The following MTUS2 variants were observed in gnomAD, a reference collection of about 807,000 sequenced individuals.
MTUS2 encodes microtubule-associated tumor suppressor candidate 2.
MTUS2 carries 40 observed loss-of-function variants against 114.1 expected under a neutral mutation model. The ratio of observed to expected loss-of-function variants is 0.35; its 90% CI spans 0.27 to 0.46. The LOEUF (loss-of-function observed/expected upper bound fraction) is 0.46. Among genes scored for constraint, MTUS2 ranks in the 20% least tolerant of loss-of-function variants. The pLI is 1.00. For synonymous variants in MTUS2, 688 were observed against 672.0 expected (o/e 1.02, Z -0.37); for missense variants, 1,679 against 1,705.4 (o/e 0.98, Z 0.27).
chr13:28,953,285 G>T (rs927085482), intron 2 of MTUS2, among the ~76,000 whole-genome samples: 1 of 152,044 alleles, frequency 6.6e-6, no homozygotes, highest in Non-Finnish European at 1.5e-5. Flanking sequence ...GAGGTGGGTG[G>T]ATCGCCTGAG....
intron 2 of MTUS2, among the ~76,000 whole-genome samples, chr13:28,989,301 C>G (rs138054809): frequency 6.6e-6 from 1 of 152,268 alleles, no homozygotes; most frequent in Non-Finnish European, 1.5e-5. Context: ...CAAGACCCAA[C>G]CAGTGAAAGG....
intron 8 of MTUS2, among the ~76,000 whole-genome samples, chr13:29,421,067 T>C (rs3121759): frequency 0.98 from 149,170 of 152,298 alleles, 73,132 homozygotes; most frequent in East Asian, 1. Context: ...TTTTTTCTCT[T>C]TTAATTTTCT....
intron 2 of MTUS2, among the ~76,000 whole-genome samples, chr13:28,892,106 A>G (rs1878967596): frequency 6.6e-6 from 1 of 152,044 alleles, no homozygotes; most frequent in South Asian, 2.1e-4. Flanking sequence ...TAATACAGAT[A>G]CCATTATTCA....
At chr13:29,103,530 G>A (rs779775460) in intron 5 of MTUS2, among the ~76,000 whole-genome samples, 2 of 152,236 alleles carry the variant, frequency 1.3e-5, no homozygotes, top group Non-Finnish European at 2.9e-5. Context: ...GCTTGCAGGA[G>A]TGGAAGGTGC....
intron 2 of MTUS2, among the ~76,000 whole-genome samples, chr13:28,915,021 C>T (rs1880669151): frequency 6.6e-6 from 1 of 151,876 alleles, no homozygotes; most frequent in Non-Finnish European, 1.5e-5. Flanking sequence ...AGACAGGATA[C>T]CAATGGGGCT....
At chr13:29,497,413 C>G (rs546172971) in intron 13 of MTUS2, 77 bp downstream of exon 13, 2 of 1,293,324 alleles carry the variant, frequency 1.5e-6, no homozygotes, top group African/African-American at 3.0e-5. Context: ...TCAGCAGTCT[C>G]GTCCCAAGAC....
chr13:29,321,249 A>G (rs76203527), intron 6 of MTUS2, among the ~76,000 whole-genome samples: 5,012 of 152,286 alleles, frequency 0.033, 270 homozygotes, highest in African/African-American at 0.11. Flanking sequence ...ACCTTGGTCC[A>G]GGTCTAAGGA....
At chr13:29,401,636 C>G (rs1200477452) in intron 8 of MTUS2, among the ~76,000 whole-genome samples, 4 of 152,150 alleles carry the variant, frequency 2.6e-5, no homozygotes, top group Non-Finnish European at 5.9e-5. Context: ...AAATGCCACC[C>G]TTATTATAGC....
intron 5 of MTUS2, among the ~76,000 whole-genome samples, chr13:29,199,571 G>A (rs1480498043): frequency 6.6e-6 from 1 of 152,124 alleles, no homozygotes; most frequent in Non-Finnish European, 1.5e-5. Context: ...GCTTTTTGAT[G>A]TTCTGTGGGG....
chr13:29,236,804 T>C (rs906996907), intron 5 of MTUS2, among the ~76,000 whole-genome samples: 1 of 152,226 alleles, frequency 6.6e-6, no homozygotes, highest in Non-Finnish European at 1.5e-5. Flanking sequence ...ATCCTGACTT[T>C]CTGGAAGGGA....
chr13:29,023,409 A>C (rs914432347), intron 2 of MTUS2, among the ~76,000 whole-genome samples: 3 of 152,258 alleles, frequency 2.0e-5, no homozygotes, highest in African/African-American at 7.2e-5. Context: ...CTAGATTTTC[A>C]AATGGTTGAC....
chr13:29,057,159 A>T (rs1381722930), intron 4 of MTUS2, among the ~76,000 whole-genome samples: 2 of 152,062 alleles, frequency 1.3e-5, no homozygotes, highest in African/African-American at 2.4e-5. Flanking sequence ...GCGGCCTAAG[A>T]GTGTGTTTGT....
chr13:28,874,717 G>C (rs1846639584), intron 2 of MTUS2, among the ~76,000 whole-genome samples: 1 of 152,196 alleles, frequency 6.6e-6, no homozygotes, highest in South Asian at 2.1e-4. Flanking sequence ...ACCAACTTCA[G>C]TTCACACAAG....
At chr13:29,409,989 T>C (rs1875102058) in intron 8 of MTUS2, among the ~76,000 whole-genome samples, 1 of 152,188 alleles carries the variant, frequency 6.6e-6, no homozygotes, top group Non-Finnish European at 1.5e-5. Context: ...ATTTCTAGAT[T>C]AAAAAGAAAG....
At chr13:29,259,932 G>A (rs897030685) in intron 5 of MTUS2, among the ~76,000 whole-genome samples, 3 of 152,164 alleles carry the variant, frequency 2.0e-5, no homozygotes, top group Non-Finnish European at 2.9e-5. Context: ...GGCAGGTCAC[G>A]GTCCCAGAGT....
At chr13:28,968,998 TTAAA>T (rs1414311615) in intron 2 of MTUS2, among the ~76,000 whole-genome samples, 10 of 152,226 alleles carry the variant, frequency 6.6e-5, no homozygotes, top group African/African-American at 2.2e-4. Flanking sequence ...TATCAAAATT[TTAAA>T]TAAAGTTGTT....
intron 8 of MTUS2, among the ~76,000 whole-genome samples, chr13:29,367,830 T>G (rs2138279181): frequency 1.3e-5 from 2 of 151,732 alleles, no homozygotes; most frequent in Middle Eastern, 3.4e-3. Flanking sequence ...TTTGAAGAAA[T>G]CTGCTCCGGA....
At chr13:29,370,926 A>G (rs1246691590) in intron 8 of MTUS2, among the ~76,000 whole-genome samples, 1 of 152,238 alleles carries the variant, frequency 6.6e-6, no homozygotes, top group South Asian at 2.1e-4. Flanking sequence ...ATTACCGCAG[A>G]TAAAGAGGGA....
chr13:29,483,234 G>A (rs946730155), intron 10 of MTUS2, among the ~76,000 whole-genome samples: 1 of 152,230 alleles, frequency 6.6e-6, no homozygotes, highest in African/African-American at 2.4e-5. Flanking sequence ...AGCAGGGGCA[G>A]GTGCTGCTTC....
Sources: gnomAD v4.1 joint callset for allele counts (sites outside exome capture counted in the v4.1 genomes callset) on GRCh38, gnomAD v4.1.1 for gene constraint, MANE v1.5 for transcripts, NCBI Gene and HGNC (gene_info 2026-07-23, HGNC 2026-07-21) for gene names.